Variants in HINFP observed in about 807,000 individuals in gnomAD.
HINFP encodes the protein MBD2 (methyl-CpG-binding protein)-interacting zinc finger protein.
HINFP carries 20 observed loss-of-function variants against 50.1 expected under a neutral mutation model. The ratio of observed to expected loss-of-function variants is 0.40; its 90% CI spans 0.28 to 0.58. The LOEUF (loss-of-function observed/expected upper bound fraction) is 0.58. Among genes scored for constraint, HINFP ranks in the 20% least tolerant of loss-of-function variants. HINFP has a pLI of 0.45. For missense variants in HINFP, 505 were observed against 664.1 expected (o/e 0.76, Z 2.63); for synonymous variants, 247 against 243.7 (o/e 1.01, Z -0.13).
rs1947947655 is a variant in HINFP, at chr11:119,134,303, C to T, written c.1359C>T (p.Leu453=). Residue 453 remains leucine, a synonymous_variant, in exon 10 of 10, where the codon CTC becomes CTT. Coordinates refer to ENST00000350777, the MANE Select transcript of HINFP (RefSeq NM_198971.3). This position sits in a 1 kb window ranked among gnomAD's most constrained non-coding sequence, Gnocchi z 4.3. ...EEGKGSEGTA[L]SASQDNPSSV... is the part of the protein sequence containing the mutation. ...GCAAGGGTAGCGAAGGGACAGCCCT[C>T]TCAGCCTCTCAGGACAACCCCAGTT... 2 of 1,614,180 alleles carry T rather than the reference C, an allele frequency of 1.2e-6. No homozygotes were observed. The highest frequency in any genetic ancestry group is 1.7e-6 in the Non-Finnish European group (2 of 1,179,996).
intron 5 of HINFP, 193 bp downstream of exon 5, chr11:119,132,175 C>T (rs771622062): frequency 7.8e-6 from 5 of 640,404 alleles, no homozygotes; most frequent in East Asian, 2.7e-5. Flanking sequence ...TACTGTACCT[C>T]GTATCAGTTA....
Position 119,131,841 on chromosome 11 carries a change from A to C in HINFP, c.535A>C (p.Thr179Pro). The stretch of plus-strand genomic sequence containing the variant: ...GGCTTCCTTCCCAGGCTGTACCTGC[A>C]CCTTCAAGGACCGCAGTAAACTTCG... ...VLCGWKGCTC[T>P]FKDRSKLREH... Residue 179 changes from threonine (T) to proline (P), a missense_variant, in exon 5 of 10, where the codon ACC becomes CCC. Coordinates refer to ENST00000350777, the MANE Select transcript of HINFP (RefSeq NM_198971.3). This position sits in a 1 kb window ranked among gnomAD's most constrained non-coding sequence, Gnocchi z 4.2. 6.2e-7 allele frequency: 1 copy of C among 1,614,034 alleles called. No homozygotes were observed. Among genetic ancestry groups the C allele is most frequent in the Non-Finnish European group, 8.5e-7 (1 of 1,180,014 alleles).
chr11:119,133,832 C>G, intron 9 of HINFP: 1 of 585,958 alleles, frequency 1.7e-6, no homozygotes, highest in Admixed American at 3.0e-5. Context: ...CACTTTCACC[C>G]TCCAACACAG....
At chr11:119,125,302 G>T (rs529853847) in intron 1 of HINFP, 4 of 152,248 alleles carry the variant, frequency 2.6e-5, no homozygotes, top group African/African-American at 9.6e-5. Flanking sequence ...GCCTCCCAGA[G>T]TGCTGGGATT....
chr11:119,130,690 G>A (rs1351025868), intron 2 of HINFP, 35 bp from the exon 3 acceptor site: 1 of 1,588,110 alleles, frequency 6.3e-7, no homozygotes. Flanking sequence ...GCCTTGGAAA[G>A]TGTCAGACTC....
chr11:119,131,601 G>T lies in HINFP; in HGVS notation c.478G>T (p.Glu160Ter). The change falls in exon 4 of 10, where the codon GAA (glutamate) becomes TAA (stop). Residue 160 changes from glutamate (E) to a stop codon, truncating the protein, a stop_gained. Coordinates refer to ENST00000350777, the MANE Select transcript of HINFP (RefSeq NM_198971.3). LOFTEE classifies it high-confidence loss of function. This position sits in a 1 kb window ranked among gnomAD's most constrained non-coding sequence, Gnocchi z 4.2. ...VEAHSLCCEY[E>*]AVGKDNPVVL... ...AGCACACAGTCTGTGCTGTGAATACGAAGCAGTCGGCAAGGACAACCCGGT... is the reference window on the plus strand; with the variant it reads ...AGCACACAGTCTGTGCTGTGAATACTAAGCAGTCGGCAAGGACAACCCGGT... 6.2e-7 allele frequency: 1 copy of T among 1,614,162 alleles called. No homozygotes were observed. The highest frequency in any genetic ancestry group is 8.5e-7 in the Non-Finnish European group (1 of 1,180,012).
Position 119,130,463 on chromosome 11 carries a change from A to T in HINFP, c.182-262A>T, listed in dbSNP as rs958364548. ...CAGTTTTATATTTATAGATCTGATTATTTGATGAATATGCTTTCTCCCTGA... is the reference window on the plus strand; with the variant it reads ...CAGTTTTATATTTATAGATCTGATTTTTTGATGAATATGCTTTCTCCCTGA... On this transcript the variant is annotated intron_variant, in intron 2 of 9. Transcript: ENST00000350777. 1.3e-5 allele frequency: 6 copies of T among 462,096 alleles called. No individual in the cohort carries two copies. In the Admixed American group the frequency reaches 1.5e-4, roughly 12 times the overall value. The allele number at this position is 462,096 out of a possible 1,614,324, so 28.6% of individuals were successfully genotyped here.
chr11:119,130,675 C>A, intron 2 of HINFP, 50 bp from the exon 3 acceptor site: 1 of 1,540,964 alleles, frequency 6.5e-7, no homozygotes, highest in African/African-American at 1.4e-5. Context: ...TGGAAGGTGA[C>A]CTGAGCCTTG....
In HINFP at chr11:119,131,718, A is replaced by T; in HGVS notation, c.523+72A>T. 1.9e-6 allele frequency: 3 copies of T among 1,586,094 alleles called. No individual in the cohort carries two copies. Among genetic ancestry groups the T allele is most frequent in the African/African-American group, 2.7e-5 (2 of 74,416 alleles). The stretch of plus-strand genomic sequence containing the variant: ...TCCTGAAGAGCTGGGACAGAAAGGG[A>T]TAGGGGTCCTACAGGGGCAAGGTTG... On this transcript the variant is annotated intron_variant, in intron 4 of 9. Coordinates refer to ENST00000350777, the MANE Select transcript of HINFP (RefSeq NM_198971.3). The surrounding 1 kb of genome is among the most constrained non-coding windows in gnomAD (Gnocchi z 4.2).
At chr11:119,133,411 T>C in intron 9 of HINFP, 192 bp downstream of exon 9, 1 of 592,822 alleles carries the variant, frequency 1.7e-6, no homozygotes, top group Non-Finnish European at 2.9e-6. Context: ...AAACCCCGTC[T>C]CTACTAAAAA....
chr11:119,126,829 T>A, intron 1 of HINFP, 106 bp from the exon 2 acceptor site: 1 of 939,728 alleles, frequency 1.1e-6, no homozygotes, highest in Non-Finnish European at 1.6e-6. Flanking sequence ...CATGGGTCAC[T>A]GGAACAACAC....
In HINFP at chr11:119,130,790, A is replaced by T; in HGVS notation, c.247A>T (p.Ile83Phe). 1 of 1,614,180 alleles carries T rather than the reference A, an allele frequency of 6.2e-7. No homozygotes were observed. Among genetic ancestry groups the T allele is most frequent in the Non-Finnish European group, 8.5e-7 (1 of 1,180,022 alleles). ...FCSLDSSADL[I>F]RHVYFHCYHT... ...TTCTCTGGACAGTTCTGCTGACCTC[A>T]TCCGCCATGTCTACTTCCACTGCTA... The change falls in exon 3 of 10, where the codon ATC becomes TTC. Residue 83 changes from isoleucine to phenylalanine, a missense_variant. Ile to Phe is a conservative substitution (Grantham distance 21). Coordinates refer to ENST00000350777, the MANE Select transcript of HINFP (RefSeq NM_198971.3).
intron 9 of HINFP, 189 bp downstream of exon 9, chr11:119,133,408 G>A (rs979479404): frequency 6.5e-5 from 39 of 601,498 alleles, no homozygotes; most frequent in African/African-American, 5.2e-4. Flanking sequence ...GTGAAACCCC[G>A]TCTCTACTAA....
chr11:119,131,958 A>G lies in HINFP; in HGVS notation c.652A>G (p.Ile218Val). Residue 218 changes from isoleucine to valine, a missense_variant, in exon 5 of 10, where the codon ATC becomes GTC. Physicochemically the swap from Ile to Val is conservative, Grantham distance 29 (BLOSUM62 3). Coordinates refer to ENST00000350777, the MANE Select transcript of HINFP (RefSeq NM_198971.3). The surrounding 1 kb of genome is among the most constrained non-coding windows in gnomAD (Gnocchi z 4.2). Reference protein sequence around the residue: ...FANNTKFLDHIRRQTSLDQQH... With the variant: ...FANNTKFLDHVRRQTSLDQQH... ...CAACAATACCAAGTTCTTAGATCAC[A>G]TCCGTCGCCAGACCTCATTGGATCG... 1 of 1,614,068 alleles carries G rather than the reference A, an allele frequency of 6.2e-7. No homozygotes were observed. The highest frequency in any genetic ancestry group is 8.5e-7 in the Non-Finnish European group (1 of 1,180,002).
chr11:119,132,082 T>C (rs1947793339), intron 5 of HINFP, 100 bp downstream of exon 5: 1 of 1,342,226 alleles, frequency 7.5e-7, no homozygotes, highest in South Asian at 1.3e-5. Flanking sequence ...GACCTGCCTT[T>C]TGGCTGCCTC....
intron 1 of HINFP, among the ~76,000 whole-genome samples, chr11:119,123,547 T>A: frequency 1.0e-5 from 1 of 100,006 alleles, no homozygotes; most frequent in South Asian, 3.0e-4. Flanking sequence ...ATTTCTTTCT[T>A]CTTTTTTTTT....
chr11:119,121,898 C>T (rs893068606), intron 1 of HINFP: 2 of 152,476 alleles, frequency 1.3e-5, no homozygotes, highest in African/African-American at 4.8e-5. Context: ...CGGTCTCCTT[C>T]CTTCTGTCCA....
At chr11:119,129,100 G>A (rs1947595730) in intron 2 of HINFP, among the ~76,000 whole-genome samples, 1 of 152,094 alleles carries the variant, frequency 6.6e-6, no homozygotes, top group Non-Finnish European at 1.5e-5. Flanking sequence ...GAGTGCAATG[G>A]CATGATCTCG....
In HINFP at chr11:119,132,931, G is replaced by A. The variant is rs749467609; in HGVS notation, c.943G>A (p.Asp315Asn). ...THSEEPAYRCDFENCTFSARS... is the reference protein window; with the variant it reads ...THSEEPAYRCNFENCTFSARS... The stretch of plus-strand genomic sequence containing the variant: ...CAGCGAGGAGCCAGCCTACAGGTGT[G>A]ATTTTGAGAACTGCACCTTCAGTGC... The change falls in exon 8 of 10, where the codon GAT becomes AAT. Residue 315 changes from aspartate to asparagine, a missense_variant. Physicochemically the swap from Asp to Asn is conservative, Grantham distance 23. Coordinates refer to ENST00000350777, the MANE Select transcript of HINFP (RefSeq NM_198971.3). The A allele has an allele frequency of 6.6e-5, 106 of 1,614,120 alleles. No homozygotes were observed. Among genetic ancestry groups the A allele is most frequent in the Non-Finnish European group, 8.6e-5 (102 of 1,180,048 alleles).
Sources: gnomAD v4.1 joint callset for allele counts (sites outside exome capture counted in the v4.1 genomes callset) on GRCh38, gnomAD v4.1.1 for gene constraint, Gnocchi (gnomAD v3.1) non-coding constraint, MANE v1.5 for transcripts, NCBI Gene and HGNC (gene_info 2026-07-23, HGNC 2026-07-21) for gene names.